Variants in NFKB1 observed in about 807,000 individuals in gnomAD.
The protein encoded by NFKB1 is nuclear factor NF-kappa-B p105 subunit.
In NFKB1, 9 loss-of-function variants were observed where a neutral mutation model predicts 105.1. The ratio of observed to expected loss-of-function variants is 0.09; its 90% CI spans 0.05 to 0.15. NFKB1 has a LOEUF of 0.15. Ranked by LOEUF, NFKB1 falls within the 10% of genes least tolerant of loss-of-function variation. NFKB1 has a pLI of 1.00. For synonymous variants in NFKB1, 440 were observed against 442.2 expected, an observed-to-expected ratio of 1.00 and a Z score of 0.06; for missense variants, 830 against 1,203.7, an observed-to-expected ratio of 0.69 and a Z score of 4.59.
chr4:102,515,104 A>AT lies in NFKB1; in HGVS notation c.-7-10406dup, dbSNP rs761237095. 7.8e-4 allele frequency among the ~76,000 whole-genome samples: 89 copies of AT among 113,458 alleles called. 2 individuals carry two copies. The highest frequency in any genetic ancestry group is 4.3e-3 in the South Asian group (16 of 3,764). The allele number at this position is 113,458 out of a possible 152,430, so 74.4% of individuals were successfully genotyped here. A position where few individuals can be genotyped will look rare whatever the true frequency, so the allele number is the denominator to read the frequency against. On this transcript the variant is annotated intron_variant, in intron 1 of 23. Transcript: ENST00000226574. Reference sequence around the variant, plus strand: ...AGTTCCATGTAATATTATTATTATTATTATTTTTTTTTTTTTTTTTTTTTG... The same window carrying AT: ...AGTTCCATGTAATATTATTATTATTATTTATTTTTTTTTTTTTTTTTTTTTG...
chr4:102,514,009 TAAAA>T (rs1250398736), intron 1 of NFKB1, among the ~76,000 whole-genome samples: 1 of 151,334 alleles, frequency 6.6e-6, no homozygotes, highest in Non-Finnish European at 1.5e-5. Context: ...CCATCTCTAC[TAAAA>T]AAATACAAAA....
chr4:102,577,897 G>A (rs1560689961), intron 7 of NFKB1: 3 of 985,324 alleles, frequency 3.0e-6, no homozygotes, highest in South Asian at 9.4e-5. Context: ...TTTACATCTT[G>A]TAGCCAGATA....
At chr4:102,559,941 A>T (rs1037656058) in intron 5 of NFKB1, among the ~76,000 whole-genome samples, 4 of 124,170 alleles carry the variant, frequency 3.2e-5, no homozygotes, top group Non-Finnish European at 5.2e-5. Context: ...CTGTCCCTTT[A>T]AAAAAAAAAA....
rs1443223050 is a variant in NFKB1 at position 102,537,932 on chromosome 4, C to T, written c.234C>T (p.Asn78=). ...TACCTGGTGCCTCTAGTGAAAAGAA[C>T]AAGAAGTCTTACCCTCAGGTCAAAG... ...GGLPGASSEK[N]KKSYPQVKIC... Residue 78 remains asparagine (N), a synonymous_variant, in exon 5 of 24, where the codon AAC becomes AAT. Coordinates refer to ENST00000226574, the MANE Select transcript of NFKB1 (RefSeq NM_003998.4). The T allele has an allele frequency of 6.2e-7, 1 of 1,610,244 alleles. No individual in the cohort carries two copies. Among genetic ancestry groups the T allele is most frequent in the African/African-American group, 1.3e-5 (1 of 74,776 alleles).
intron 5 of NFKB1, among the ~76,000 whole-genome samples, chr4:102,551,379 T>TGCGC (rs1560665315): frequency 3.1e-4 from 36 of 115,998 alleles, no homozygotes; most frequent in African/African-American, 9.9e-4. Flanking sequence ...CGCGCGCGCA[T>TGCGC]GTGTGTGTGT....
At position 102,617,156 on chromosome 4, in the gene NFKB1, GA is replaced by G. The variant is rs1345529121; in HGVS notation, c.*566del. 2 of 145,370 alleles carry G rather than the reference GA, an allele frequency of 1.4e-5. No individual in the cohort carries two copies. The highest frequency in any genetic ancestry group is 5.1e-5 in the African/African-American group (2 of 39,342). 9.0% of individuals were successfully genotyped at this position (145,370 alleles called of 1,614,324 possible). A position where few individuals can be genotyped will look rare whatever the true frequency, so the allele number is the denominator to read the frequency against. On this transcript the variant is annotated 3_prime_UTR_variant, in exon 24 of 24. Transcript: ENST00000226574. ...TTTAAACATGGTTACAATCATTGCT[GA>G]AAATGGTATTTTCCCCCTTTTCTGC...
At position 102,593,407 on chromosome 4, in the gene NFKB1, C is replaced by T. The variant is rs1578805390; in HGVS notation, c.1067-18C>T. The T allele has an allele frequency of 6.2e-7, 1 of 1,601,258 alleles. No homozygotes were observed. On this transcript the variant is annotated intron_variant, in intron 11 of 23. Coordinates refer to ENST00000226574, the MANE Select transcript of NFKB1 (RefSeq NM_003998.4). ...AAATCAATCTTTTCTCCTCTGGTTT[C>T]TCTTCCTTTAAATACAGATAAAGAA...
At chr4:102,544,920 C>T (rs1170773324) in intron 5 of NFKB1, among the ~76,000 whole-genome samples, 1 of 152,070 alleles carries the variant, frequency 6.6e-6, no homozygotes, top group Non-Finnish European at 1.5e-5. Flanking sequence ...CATTTTTCTG[C>T]CCTCCACTCT....
At chr4:102,597,715 A>C in intron 15 of NFKB1, 54 bp downstream of exon 15, 1 of 1,573,740 alleles carries the variant, frequency 6.4e-7, no homozygotes, top group Non-Finnish European at 8.7e-7. Flanking sequence ...GAAGAAGAGC[A>C]TCGTATAATG....
chr4:102,607,001 C>G lies in NFKB1; in HGVS notation c.1955-149C>G, dbSNP rs1727811764. ...TGTCTCCTGAGAACATAATAGGAGACTGTGGGTCTTCAAAGCAGAACAATA... is the reference window on the plus strand; with the variant it reads ...TGTCTCCTGAGAACATAATAGGAGAGTGTGGGTCTTCAAAGCAGAACAATA... On this transcript the variant is annotated intron_variant, in intron 17 of 23. Coordinates refer to ENST00000226574, the MANE Select transcript of NFKB1 (RefSeq NM_003998.4). The G allele has an allele frequency of 1.2e-5, 10 of 825,760 alleles. No individual in the cohort carries two copies. In the South Asian group the frequency reaches 1.4e-4, roughly 11 times the overall value. 51.2% of individuals were successfully genotyped at this position (825,760 alleles called of 1,614,324 possible).
chr4:102,591,042 G>T (rs537105852), intron 11 of NFKB1, among the ~76,000 whole-genome samples: 2 of 152,262 alleles, frequency 1.3e-5, no homozygotes, highest in South Asian at 4.1e-4. Flanking sequence ...AAAGTTGGAA[G>T]CTAGCAGAGG....
chr4:102,538,290 T>C (rs1741770327), intron 5 of NFKB1, among the ~76,000 whole-genome samples: 1 of 152,170 alleles, frequency 6.6e-6, no homozygotes, highest in Admixed American at 6.5e-5. Context: ...TCTTTGGAGA[T>C]TTAGTGAAAA....
rs908790789 is a variant in NFKB1, at chr4:102,557,094, T to G, written c.259-9893T>G. ...GAGGATATGTGAAGTAACAGGGATG[T>G]TTTGAGCCTCAGTGACAGTAAGGAG... On this transcript the variant is annotated intron_variant, in intron 5 of 23. Coordinates refer to ENST00000226574, the MANE Select transcript of NFKB1 (RefSeq NM_003998.4). 5.3e-5 allele frequency: 8 copies of G among 152,206 alleles called. No homozygotes were observed. In the East Asian group the frequency reaches 1.3e-3, roughly 26 times the overall value. The allele number at this position is 152,206 out of a possible 1,614,324, so 9.4% of individuals were successfully genotyped here.
chr4:102,569,268 C>CT (rs1347843851), intron 6 of NFKB1, among the ~76,000 whole-genome samples: 4 of 152,102 alleles, frequency 2.6e-5, no homozygotes, highest in Non-Finnish European at 5.9e-5. Context: ...CAACAGAGGA[C>CT]TGGGGGCAAG....
chr4:102,529,621 G>A (rs1021053589), intron 2 of NFKB1, among the ~76,000 whole-genome samples: 4 of 152,232 alleles, frequency 2.6e-5, no homozygotes, highest in Admixed American at 1.3e-4. Flanking sequence ...CCTTTGTTAC[G>A]TAAACGTTGT....
chr4:102,584,738 C>T lies in NFKB1; in HGVS notation c.984C>T (p.Ala328=), dbSNP rs149014458. The change falls in exon 11 of 24, where the codon GCC becomes GCT. Residue 328 remains alanine (A), a synonymous_variant. Transcript: ENST00000226574. ...AAGATATTAATATTACAAAACCAGC[C>T]TCTGTGTTTGTCCAGCTTCGGAGGA... is the stretch of plus-strand genomic sequence containing the variant. ...KYKDINITKP[A]SVFVQLRRKS... is the part of the protein sequence containing the mutation. 17 of 1,612,578 alleles carry T rather than the reference C, an allele frequency of 1.1e-5. No homozygotes were observed. Among genetic ancestry groups the T allele is most frequent in the South Asian group, 2.2e-5 (2 of 90,902 alleles).
chr4:102,596,012 T>C, intron 13 of NFKB1, 126 bp from the exon 14 acceptor site: 1 of 526,708 alleles, frequency 1.9e-6, no homozygotes, highest in East Asian at 3.0e-5. Flanking sequence ...GAATTTTAAA[T>C]TATTATTTTT....
At chr4:102,553,312 T>C (rs1722757087) in intron 5 of NFKB1, among the ~76,000 whole-genome samples, 2 of 152,090 alleles carry the variant, frequency 1.3e-5, no homozygotes, top group Admixed American at 6.5e-5. Context: ...GAAAAATACA[T>C]AATGAGGGTG....
chr4:102,542,923 C>G (rs1250470035), intron 5 of NFKB1, among the ~76,000 whole-genome samples: 2 of 152,202 alleles, frequency 1.3e-5, no homozygotes, highest in Non-Finnish European at 2.9e-5. Context: ...TGCAGACTAA[C>G]TCTTATATCT....
Sources: allele counts gnomAD v4.1 joint callset (sites outside exome capture counted in the v4.1 genomes callset), GRCh38; gene constraint gnomAD v4.1.1; transcripts MANE v1.5; gene names NCBI Gene and HGNC (gene_info 2026-07-23, HGNC 2026-07-21).